PRPF40B: variants seen among roughly 807,000 people sequenced by gnomAD.
The protein encoded by PRPF40B is pre-mRNA processing factor 40B, also known as pre-mRNA-processing factor 40 homolog B.
PRPF40B carries 56 observed loss-of-function variants against 124.5 expected under a neutral mutation model. That is an observed-to-expected ratio of 0.45 (90% confidence interval 0.36 to 0.56). The LOEUF (loss-of-function observed/expected upper bound fraction) is 0.56, where lower values mean the gene tolerates loss of function less well. Among genes scored for constraint, PRPF40B ranks in the 20% least tolerant of loss-of-function variants. The pLI is 0.00. For missense variants in PRPF40B, 1,053 were observed against 1,169.5 expected (o/e 0.90, Z 1.45); for synonymous variants, 443 against 426.4 (o/e 1.04, Z -0.48).
upstream of PRPF40B, chr12:49,622,739 G>C (rs1940321846): frequency 6.6e-6 from 1 of 152,296 alleles, no homozygotes; most frequent in South Asian, 2.1e-4. Context: ...GCTCAGGTGA[G>C]GGGGGAATAA....
In PRPF40B at chr12:49,643,671, A is replaced by G. The variant is rs199498901; in HGVS notation, c.2381-20A>G. 14 of 1,610,864 alleles carry G rather than the reference A, an allele frequency of 8.7e-6. No individual in the cohort carries two copies. The highest frequency in any genetic ancestry group is 6.7e-5 in the Admixed American group (4 of 59,296). ...TGTCTTTCTCCTGTTGGGACTTAGTAGGGATTTTTCTATCTCTAGATCATG... is the reference window on the plus strand; with the variant it reads ...TGTCTTTCTCCTGTTGGGACTTAGTGGGGATTTTTCTATCTCTAGATCATG... On this transcript the variant is annotated intron_variant, in intron 23 of 25. Transcript: ENST00000548825.
chr12:49,633,603 C>T (rs1231352446), intron 8 of PRPF40B, 34 bp from the exon 9 acceptor site: 1 of 1,614,126 alleles, frequency 6.2e-7, no homozygotes. Flanking sequence ...CCTATTGCCC[C>T]TGTGACTGAC....
intron 18 of PRPF40B, chr12:49,639,178 T>C (rs1480235769): frequency 6.6e-6 from 1 of 152,190 alleles, no homozygotes; most frequent in Non-Finnish European, 1.5e-5. Flanking sequence ...AGATGGTGTA[T>C]AGTAGAACCT....
At chr12:49,629,786 T>C (rs1026506572) in intron 1 of PRPF40B, among the ~76,000 whole-genome samples, 1 of 152,182 alleles carries the variant, frequency 6.6e-6, no homozygotes, top group Non-Finnish European at 1.5e-5. Flanking sequence ...ATACTTAAGC[T>C]GAGAACTAAA....
chr12:49,644,238 C>T lies in PRPF40B; in HGVS notation c.*46C>T. On this transcript the variant is annotated 3_prime_UTR_variant, in exon 26 of 26. Transcript: ENST00000548825. Reference sequence around the variant, plus strand: ...CTCGGGTCTGTGTGAGGCCATGGCTCCTGGGCCACCCTCACCGTCTGCCTC... The same window carrying T: ...CTCGGGTCTGTGTGAGGCCATGGCTTCTGGGCCACCCTCACCGTCTGCCTC... 6.3e-7 allele frequency: 1 copy of T among 1,598,290 alleles called. No homozygotes were observed. The highest frequency in any genetic ancestry group is 1.3e-5 in the African/African-American group (1 of 74,688).
intron 17 of PRPF40B, 40 bp from the exon 18 acceptor site, chr12:49,637,693 A>C: frequency 6.7e-7 from 1 of 1,501,428 alleles, no homozygotes; most frequent in Non-Finnish European, 9.2e-7. Flanking sequence ...GGCCTTGGGA[A>C]GCTGCCGCCC....
chr12:49,637,066 C>A, intron 16 of PRPF40B: 1 of 691,128 alleles, frequency 1.4e-6, no homozygotes, highest in Non-Finnish European at 2.4e-6. Context: ...ATGCACCACC[C>A]AGAAACTGCC....
chr12:49,632,467 A>C, intron 4 of PRPF40B, 129 bp from the exon 5 acceptor site: 1 of 985,162 alleles, frequency 1.0e-6, no homozygotes, highest in Non-Finnish European at 1.5e-6. Context: ...GAAGCCTGTT[A>C]GGGAGCAGAG....
chr12:49,625,418 G>T (rs1940616435), intron 1 of PRPF40B, among the ~76,000 whole-genome samples: 1 of 152,194 alleles, frequency 6.6e-6, no homozygotes, highest in Non-Finnish European at 1.5e-5. Context: ...TGGTTGCCAG[G>T]ATTAAATGAG....
Position 49,631,880 on chromosome 12 carries a change from G to A in PRPF40B, c.249G>A (p.Pro83=), listed in dbSNP as rs369232303. 16 of 1,614,024 alleles carry A rather than the reference G, an allele frequency of 9.9e-6. No homozygotes were observed. The highest frequency in any genetic ancestry group is 6.7e-5 in the East Asian group (3 of 44,896). Residue 83 remains proline, a synonymous_variant, in exon 4 of 26, where the codon CCG becomes CCA. Transcript: ENST00000548825. This position sits in a 1 kb window ranked among gnomAD's most constrained non-coding sequence, Gnocchi z 4.3. ...PLTQIPGMVP[P]MMPGMLMPAV... is the part of the protein sequence containing the mutation. ...CATAGATACCAGGAATGGTACCTCC[G>A]ATGATGCCAGGAATGCTGATGCCAG...
At chr12:49,622,907 G>A (rs999741575), upstream of PRPF40B, among the ~76,000 whole-genome samples, 1 of 152,206 alleles carries the variant, frequency 6.6e-6, no homozygotes, top group Non-Finnish European at 1.5e-5. Context: ...CAGCAAGCAT[G>A]TACCTCACAT....
chr12:49,631,919 C>T lies in PRPF40B; in HGVS notation c.288C>T (p.Thr96=), dbSNP rs757036317. ...TGCTGATGCCAGCGGTGCCTGTCAC[C>T]GCAGCGGTAAGCACTAGGGGCCAGC... ...PGMLMPAVPV[T]AATAPGADTA... The change falls in exon 4 of 26, where the codon ACC becomes ACT. Residue 96 remains threonine (T), a synonymous_variant. Transcript: ENST00000548825. This position sits in a 1 kb window ranked among gnomAD's most constrained non-coding sequence, Gnocchi z 4.3. 14 of 1,613,986 alleles carry T rather than the reference C, an allele frequency of 8.7e-6. No individual in the cohort carries two copies. Among genetic ancestry groups the T allele is most frequent in the Middle Eastern group, 1.6e-4 (1 of 6,084 alleles).
In PRPF40B at chr12:49,631,997, T is replaced by C; in HGVS notation, c.294+72T>C. On this transcript the variant is annotated intron_variant, in intron 4 of 25. Transcript: ENST00000548825. This position sits in a 1 kb window ranked among gnomAD's most constrained non-coding sequence, Gnocchi z 4.3. ...GTGAGTCTGACTTGGAATGCAGGAC[T>C]ATGACCTCCATTCTTTCCCTCTTCT... The C allele has an allele frequency of 7.1e-7, 1 of 1,403,682 alleles. No individual in the cohort carries two copies. Among genetic ancestry groups the C allele is most frequent in the Non-Finnish European group, 1.0e-6 (1 of 990,490 alleles). The allele number at this position is 1,403,682 out of a possible 1,614,324, so 87.0% of individuals were successfully genotyped here.
chr12:49,637,489 A>G lies in PRPF40B; in HGVS notation c.1580A>G (p.His527Arg), dbSNP rs1195771745. ...GCTCAGACCTTCCTGGACGAGCTGCATGAGACAGGGCAGCTGCACTCTATG... is the reference window on the plus strand; with the variant it reads ...GCTCAGACCTTCCTGGACGAGCTGCGTGAGACAGGGCAGCTGCACTCTATG... ...EAFQTFLDELHETGQLHSMST... is the reference protein window; with the variant it reads ...EAFQTFLDELRETGQLHSMST... Residue 527 changes from histidine (H) to arginine (R), a missense_variant, in exon 17 of 26, where the codon CAT (histidine) becomes CGT (arginine). His to Arg is a conservative substitution (Grantham distance 29, BLOSUM62 0). Transcript: ENST00000548825. 4 of 1,613,314 alleles carry G rather than the reference A, an allele frequency of 2.5e-6. No individual in the cohort carries two copies. The highest frequency in any genetic ancestry group is 3.4e-6 in the Non-Finnish European group (4 of 1,179,888).
intron 12 of PRPF40B, chr12:49,634,828 GGAATT>G: frequency 1.6e-6 from 1 of 640,764 alleles, no homozygotes; most frequent in South Asian, 2.0e-5. Flanking sequence ...TGAATCAAAC[GGAATT>G]GAATTAATTG....
At chr12:49,637,364 T>C in intron 16 of PRPF40B, 106 bp from the exon 17 acceptor site, 2 of 733,418 alleles carry the variant, frequency 2.7e-6, no homozygotes, top group Non-Finnish European at 4.6e-6. Context: ...ATTTCCTCAA[T>C]CTTGATTGTC....
intron 18 of PRPF40B, chr12:49,638,624 A>G (rs1349640055): frequency 1.3e-5 from 2 of 152,242 alleles, no homozygotes; most frequent in African/African-American, 4.8e-5. Context: ...AACAAAGAGC[A>G]TATTTCTTTA....
rs1005176519 is a variant in PRPF40B at position 49,631,290 on chromosome 12, C to T, written c.85-111C>T. 69 of 743,168 alleles carry T rather than the reference C, an allele frequency of 9.3e-5. 1 individual carries two copies. Among genetic ancestry groups the T allele is most frequent in the Non-Finnish European group, 4.3e-6 (2 of 469,896 alleles). 46.0% of individuals were successfully genotyped at this position (743,168 alleles called of 1,614,324 possible). On this transcript the variant is annotated intron_variant, in intron 2 of 25. Transcript: ENST00000548825. This position sits in a 1 kb window ranked among gnomAD's most constrained non-coding sequence, Gnocchi z 4.3. ...CTAAAGCCTTGGAATTGCCTCAGAG[C>T]AGGGTGGAGGGTTGGGGAGGGAGGT...
At position 49,630,592 on chromosome 12, in the gene PRPF40B, C is replaced by A. The variant is rs759762984; in HGVS notation, c.51C>A (p.Phe17Leu). The change falls in exon 2 of 26, where the codon TTC becomes TTA. Residue 17 changes from phenylalanine to leucine, a missense_variant. Physicochemically the swap from Phe to Leu is conservative, Grantham distance 22. Coordinates refer to ENST00000548825, the MANE Select transcript of PRPF40B (RefSeq NM_001031698.3). ...GPRPPAAPAP[F>L]PPGPPMMPPP... The stretch of plus-strand genomic sequence containing the variant: ...GGCCCCCAGCAGCGCCTGCCCCCTT[C>A]CCACCGGGGCCCCCCATGATGCCAC... The A allele has an allele frequency of 2.2e-6, 3 of 1,366,650 alleles. No individual in the cohort carries two copies. The highest frequency in any genetic ancestry group is 2.1e-6 in the Non-Finnish European group (2 of 957,380). The allele number at this position is 1,366,650 out of a possible 1,614,324, so 84.7% of individuals were successfully genotyped here. A position where few individuals can be genotyped will look rare whatever the true frequency, so the allele number is the denominator to read the frequency against.
Sources: gnomAD v4.1 joint callset for allele counts (sites outside exome capture counted in the v4.1 genomes callset) on GRCh38, gnomAD v4.1.1 for gene constraint, Gnocchi (gnomAD v3.1) non-coding constraint, MANE v1.5 for transcripts, NCBI Gene and HGNC (gene_info 2026-07-23, HGNC 2026-07-21) for gene names.